The following TRIM71 variants were observed in gnomAD, a reference collection of about 807,000 sequenced individuals.
TRIM71 encodes the protein E3 ubiquitin-protein ligase TRIM71.
In TRIM71, 9 loss-of-function variants were observed where a neutral mutation model predicts 61.2. The ratio of observed to expected loss-of-function variants is 0.15; its 90% CI spans 0.09 to 0.26. The LOEUF (loss-of-function observed/expected upper bound fraction) is 0.26. TRIM71 is among the 10% of genes least tolerant of loss of function. The pLI, the probability that TRIM71 is intolerant of heterozygous loss-of-function variation, is 1.00. For missense variants in TRIM71, 998 were observed against 1,238.7 expected (o/e 0.81, Z 2.92); for synonymous variants, 645 against 553.2 (o/e 1.17, Z -2.33).
chr3:32,884,602 A>G (rs1383796496), intron 2 of TRIM71, among the ~76,000 whole-genome samples: 1 of 151,962 alleles, frequency 6.6e-6, no homozygotes, highest in Non-Finnish European at 1.5e-5. Context: ...GAGAGACAGT[A>G]GATTAGTGAT....
intron 1 of TRIM71, among the ~76,000 whole-genome samples, chr3:32,842,028 G>A (rs980072113): frequency 6.6e-6 from 1 of 152,234 alleles, no homozygotes; most frequent in Non-Finnish European, 1.5e-5. Context: ...TACCTGCTTT[G>A]CTCTAGCACC....
chr3:32,860,905 T>C (rs1224761977), intron 1 of TRIM71, among the ~76,000 whole-genome samples: 2 of 152,138 alleles, frequency 1.3e-5, no homozygotes, highest in Non-Finnish European at 2.9e-5. Flanking sequence ...CTGGGCGCGG[T>C]GGCTCATGCC....
At chr3:32,846,919 G>C (rs573801086) in intron 1 of TRIM71, among the ~76,000 whole-genome samples, 28 of 152,260 alleles carry the variant, frequency 1.8e-4, no homozygotes, top group African/African-American at 6.7e-4. Context: ...GGCACATTTT[G>C]CTGTCTTGTA....
At chr3:32,836,449 A>G (rs1696334857) in intron 1 of TRIM71, among the ~76,000 whole-genome samples, 1 of 152,174 alleles carries the variant, frequency 6.6e-6, no homozygotes, top group Non-Finnish European at 1.5e-5. Context: ...ACTGATTACT[A>G]GTTGTGTGTT....
intron 1 of TRIM71, among the ~76,000 whole-genome samples, chr3:32,825,612 C>T (rs13060190): frequency 0.18 from 27,118 of 152,074 alleles, 2,552 homozygotes; most frequent in Middle Eastern, 0.3. Flanking sequence ...CCCCTTCTCC[C>T]ACTCCCACCC....
intron 3 of TRIM71, among the ~76,000 whole-genome samples, chr3:32,886,612 T>G (rs1021301411): frequency 6.6e-6 from 1 of 152,214 alleles, no homozygotes; most frequent in African/African-American, 2.4e-5. Flanking sequence ...TTTCTGATTT[T>G]ATGTCCCCAC....
At position 32,870,001 on chromosome 3, in the gene TRIM71, A is replaced by G. The variant is rs576655678; in HGVS notation, c.853-3817A>G. Among the ~76,000 whole-genome samples the G allele has an allele frequency of 5.9e-5, 9 of 152,282 alleles. No individual in the cohort carries two copies. In the South Asian group the frequency reaches 1.9e-3, roughly 32 times the overall value. On this transcript the variant is annotated intron_variant, in intron 1 of 3. Transcript: ENST00000383763. ...TTCCCGGGAGCCGCTGTTCATGGCT[A>G]CTACCACATTTCTGGCTATAGGACC...
chr3:32,874,247 C>T (rs1696829284), intron 2 of TRIM71, among the ~76,000 whole-genome samples: 1 of 152,138 alleles, frequency 6.6e-6, no homozygotes, highest in South Asian at 2.1e-4. Context: ...GTGTCCCACC[C>T]AGCCACCTCC....
chr3:32,833,611 C>A (rs575996892), intron 1 of TRIM71, among the ~76,000 whole-genome samples: 1 of 151,756 alleles, frequency 6.6e-6, no homozygotes, highest in Non-Finnish European at 1.5e-5. Flanking sequence ...TGAGTACAGG[C>A]TGCAGGAGTA....
intron 1 of TRIM71, among the ~76,000 whole-genome samples, chr3:32,847,027 A>G (rs184580090): frequency 7.9e-5 from 12 of 152,148 alleles, no homozygotes; most frequent in Admixed American, 3.3e-4. Flanking sequence ...TTGCTGGATC[A>G]TGTGGAAGTT....
intron 1 of TRIM71, among the ~76,000 whole-genome samples, chr3:32,872,647 A>G (rs1696808779): frequency 6.6e-6 from 1 of 152,094 alleles, no homozygotes; most frequent in African/African-American, 2.4e-5. Flanking sequence ...TCTCCACCAT[A>G]CCTAGCAAGG....
At chr3:32,872,612 A>G (rs1696808443) in intron 1 of TRIM71, among the ~76,000 whole-genome samples, 1 of 152,168 alleles carries the variant, frequency 6.6e-6, no homozygotes, top group South Asian at 2.1e-4. Context: ...TCTGCGCAGA[A>G]TCGCCTGGAA....
At chr3:32,830,765 C>T (rs1050097307) in intron 1 of TRIM71, among the ~76,000 whole-genome samples, 1 of 152,132 alleles carries the variant, frequency 6.6e-6, no homozygotes, top group Non-Finnish European at 1.5e-5. Context: ...AAGGACACTT[C>T]TTAGTTTTCA....
chr3:32,874,218 C>G (rs1284263738), intron 2 of TRIM71, among the ~76,000 whole-genome samples: 1 of 152,068 alleles, frequency 6.6e-6, no homozygotes, highest in African/African-American at 2.4e-5. Flanking sequence ...TAGCCTGGGC[C>G]CCAACATACC....
intron 1 of TRIM71, among the ~76,000 whole-genome samples, chr3:32,845,239 C>T (rs1441247820): frequency 1.3e-5 from 2 of 152,154 alleles, no homozygotes; most frequent in African/African-American, 4.8e-5. Context: ...GCTGTGTCTC[C>T]CAGACCATGC....
chr3:32,867,909 G>A (rs1696756516), intron 1 of TRIM71, among the ~76,000 whole-genome samples: 1 of 152,010 alleles, frequency 6.6e-6, no homozygotes, highest in South Asian at 2.1e-4. Flanking sequence ...TGTGTTAATT[G>A]CTTGTGTGTG....
chr3:32,831,536 CTTTTT>C (rs71068093), intron 1 of TRIM71, among the ~76,000 whole-genome samples: 1 of 96,692 alleles, frequency 1.0e-5, no homozygotes, highest in African/African-American at 3.7e-5. Context: ...GCTTATCTTC[CTTTTT>C]TTTTTTTTTT....
chr3:32,888,141 G>A (rs1696981063), intron 3 of TRIM71, among the ~76,000 whole-genome samples: 1 of 152,106 alleles, frequency 6.6e-6, no homozygotes, highest in Admixed American at 6.6e-5. Context: ...GAATTATTTT[G>A]GCAGGTTAGA....
intron 2 of TRIM71, among the ~76,000 whole-genome samples, chr3:32,880,101 C>T (rs911473245): frequency 3.3e-5 from 5 of 151,830 alleles, no homozygotes; most frequent in Non-Finnish European, 4.4e-5. Context: ...CAGGCTGGAA[C>T]GCAGTGACAG....
Sources: gnomAD v4.1 joint callset for allele counts (sites outside exome capture counted in the v4.1 genomes callset) on GRCh38, gnomAD v4.1.1 for gene constraint, MANE v1.5 for transcripts, NCBI Gene and HGNC (gene_info 2026-07-23, HGNC 2026-07-21) for gene names.